ACVR1C: variants seen among roughly 807,000 people sequenced by gnomAD.
The protein encoded by ACVR1C is activin A receptor type 1C, also known as activin receptor type-1C.
A neutral mutation model predicts 57.9 loss-of-function variants in ACVR1C; 23 were observed. The ratio of observed to expected loss-of-function variants is 0.40; its 90% confidence interval spans 0.29 to 0.56. ACVR1C has a LOEUF of 0.56. Among genes scored for constraint, ACVR1C ranks in the 20% least tolerant of loss-of-function variants. ACVR1C has a pLI of 0.50. For synonymous variants in ACVR1C, 214 were observed against 215.3 expected (o/e 0.99, Z 0.05); for missense variants, 480 against 607.9 (o/e 0.79, Z 2.21).
chr2:157,604,951 C>A (rs1298736543), intron 1 of ACVR1C, among the ~76,000 whole-genome samples: 1 of 151,624 alleles, frequency 6.6e-6, no homozygotes, highest in Non-Finnish European at 1.5e-5. Flanking sequence ...CTTTTAGTAC[C>A]CTCATCTAAG....
intron 4 of ACVR1C, among the ~76,000 whole-genome samples, chr2:157,548,375 T>C (rs1468743024): frequency 1.4e-5 from 2 of 142,534 alleles, no homozygotes; most frequent in East Asian, 2.0e-4. Context: ...ACAGATTCAA[T>C]GCCATCCCCA....
In ACVR1C at chr2:157,620,106, G is replaced by A. The variant is rs568539368; in HGVS notation, c.73+8466C>T. Among the ~76,000 whole-genome samples the A allele has an allele frequency of 5.3e-5, 8 of 152,098 alleles. No individual in the cohort carries two copies. In the South Asian group the frequency reaches 1.5e-3, roughly 28 times the overall value. On this transcript the variant is annotated intron_variant, in intron 1 of 8. Transcript: ENST00000243349. ...AGTCAACTTTCTTCTCTCTACATAA[G>A]GGAATGCCTTTTCATAGAACATAGC... is the stretch of plus-strand genomic sequence containing the variant.
At chr2:157,566,711 C>G (rs952923734) in intron 2 of ACVR1C, among the ~76,000 whole-genome samples, 1 of 151,696 alleles carries the variant, frequency 6.6e-6, no homozygotes, top group African/African-American at 2.4e-5. Flanking sequence ...GAGGGTCCTA[C>G]GCCCAGGGAG....
intron 1 of ACVR1C, among the ~76,000 whole-genome samples, chr2:157,597,157 C>G (rs183320753): frequency 1.3e-5 from 2 of 152,294 alleles, no homozygotes; most frequent in East Asian, 3.9e-4. Flanking sequence ...CTGAGGAAAC[C>G]GCGGCAGTCC....
intron 1 of ACVR1C, among the ~76,000 whole-genome samples, chr2:157,615,054 C>T (rs571949044): frequency 1.4e-4 from 21 of 152,060 alleles, no homozygotes; most frequent in Non-Finnish European, 2.4e-4. Flanking sequence ...GTTTTCCATT[C>T]ATTGTTTTTG....
intron 2 of ACVR1C, among the ~76,000 whole-genome samples, chr2:157,572,514 C>G (rs1688540514): frequency 6.6e-6 from 1 of 152,042 alleles, no homozygotes; most frequent in Non-Finnish European, 1.5e-5. Flanking sequence ...TTACATATAG[C>G]TCAATGTCCT....
intron 1 of ACVR1C, among the ~76,000 whole-genome samples, chr2:157,610,317 T>C (rs1416942072): frequency 6.6e-6 from 1 of 152,144 alleles, no homozygotes; most frequent in African/African-American, 2.4e-5. Flanking sequence ...TCACTGGATA[T>C]AGTTTTCTTG....
intron 6 of ACVR1C, among the ~76,000 whole-genome samples, chr2:157,542,414 T>C (rs77920411): frequency 6.6e-6 from 1 of 152,220 alleles, no homozygotes; most frequent in East Asian, 1.9e-4. Context: ...TGTAGGAAAA[T>C]GCATTCTCAG....
chr2:157,536,842 C>T (rs1687500177), intron 8 of ACVR1C, among the ~76,000 whole-genome samples: 1 of 152,044 alleles, frequency 6.6e-6, no homozygotes, highest in Non-Finnish European at 1.5e-5. Flanking sequence ...ACAAAAAATG[C>T]ATATATCAGG....
chr2:157,623,792 C>A (rs1682837941), intron 1 of ACVR1C, among the ~76,000 whole-genome samples: 1 of 151,940 alleles, frequency 6.6e-6, no homozygotes, highest in Non-Finnish European at 1.5e-5. Context: ...GGGATGGATA[C>A]CCCATTTTCC....
At chr2:157,627,302 G>A (rs1425136692) in intron 1 of ACVR1C, among the ~76,000 whole-genome samples, 1 of 151,962 alleles carries the variant, frequency 6.6e-6, no homozygotes, top group Non-Finnish European at 1.5e-5. Context: ...TCCCATAGTT[G>A]GTTTTCTCCC....
At chr2:157,601,061 T>C (rs1682268394) in intron 1 of ACVR1C, among the ~76,000 whole-genome samples, 1 of 152,180 alleles carries the variant, frequency 6.6e-6, no homozygotes, top group Non-Finnish European at 1.5e-5. Context: ...CTTGCACATG[T>C]AATTCCAGCA....
chr2:157,537,093 A>G (rs1687507640), intron 8 of ACVR1C, among the ~76,000 whole-genome samples: 1 of 152,160 alleles, frequency 6.6e-6, no homozygotes, highest in Non-Finnish European at 1.5e-5. Flanking sequence ...TTTTGAAAAG[A>G]ATATCTACAG....
At chr2:157,557,546 C>A (rs1482089464) in intron 2 of ACVR1C, among the ~76,000 whole-genome samples, 2 of 152,130 alleles carry the variant, frequency 1.3e-5, no homozygotes, top group Non-Finnish European at 2.9e-5. Context: ...CTCCAGAGGA[C>A]ATAAGCTTCG....
intron 1 of ACVR1C, among the ~76,000 whole-genome samples, chr2:157,621,848 G>T (rs1682780145): frequency 6.6e-6 from 1 of 152,148 alleles, no homozygotes; most frequent in Non-Finnish European, 1.5e-5. Context: ...CAGGGTTCGG[G>T]TTTATCACAG....
At chr2:157,592,998 A>G (rs1003708672) in intron 1 of ACVR1C, among the ~76,000 whole-genome samples, 4 of 152,098 alleles carry the variant, frequency 2.6e-5, no homozygotes, top group African/African-American at 9.7e-5. Context: ...TTTCACCACA[A>G]GGAAGATTGT....
At chr2:157,554,221 A>AAGAC (rs1209038612) in intron 3 of ACVR1C, among the ~76,000 whole-genome samples, 1 of 112,778 alleles carries the variant, frequency 8.9e-6, no homozygotes, top group Non-Finnish European at 1.8e-5. Context: ...GAAAGAAAGA[A>AAGAC]AGAAAGAAAG....
intron 2 of ACVR1C, among the ~76,000 whole-genome samples, chr2:157,573,298 G>C (rs150353373): frequency 6.6e-6 from 1 of 151,876 alleles, no homozygotes; most frequent in Non-Finnish European, 1.5e-5. Flanking sequence ...TCCTCTTTAC[G>C]CAATTCAGAA....
At position 157,546,743 on chromosome 2, in the gene ACVR1C, C is replaced by T. The variant is rs151213779; in HGVS notation, c.776-2131G>A. Among the ~76,000 whole-genome samples, 1,120 of 152,080 alleles carry T rather than the reference C, an allele frequency of 7.4e-3. 8 individuals are homozygous for T. The highest frequency in any genetic ancestry group is 0.025 in the African/African-American group (1,044 of 41,494). ...AAAGAGAAAAAGCATAGATAATCAA[C>T]GAATTTTATATCAAATCTGTGATTA... On this transcript the variant is annotated intron_variant, in intron 4 of 8. Coordinates refer to ENST00000243349, the MANE Select transcript of ACVR1C (RefSeq NM_145259.3).
Sources: allele counts gnomAD v4.1 joint callset (sites outside exome capture counted in the v4.1 genomes callset), GRCh38; gene constraint gnomAD v4.1.1; transcripts MANE v1.5; gene names NCBI Gene and HGNC (gene_info 2026-07-23, HGNC 2026-07-21).